The following GLI2 variants were observed in gnomAD, a reference collection of about 807,000 sequenced individuals.
GLI2 encodes GLI family zinc finger 2.
In GLI2, 22 loss-of-function variants were observed where a neutral mutation model predicts 78.9. That is an observed-to-expected ratio of 0.28 (90% CI 0.20 to 0.40). The LOEUF is 0.40. Among genes scored for constraint, GLI2 ranks in the 10% least tolerant of loss-of-function variants. The probability of loss-of-function intolerance (pLI) is 1.00; values close to 1 mark genes in which losing one functional copy is unlikely to be tolerated. For synonymous variants in GLI2, 974 were observed against 963.7 expected (o/e 1.01, Z -0.20); for missense variants, 2,097 against 2,213.2 (o/e 0.95, Z 1.05).
chr2:120,932,549 T>C (rs941878422), intron 3 of GLI2, among the ~76,000 whole-genome samples: 4 of 152,200 alleles, frequency 2.6e-5, no homozygotes, highest in African/African-American at 9.7e-5. Context: ...CTACCCGCAC[T>C]GGGACCCATT....
At chr2:120,773,218 T>A (rs1425530206) in intron 1 of GLI2, among the ~76,000 whole-genome samples, 1 of 152,136 alleles carries the variant, frequency 6.6e-6, no homozygotes, top group African/African-American at 2.4e-5. Flanking sequence ...AAGCTCTGAA[T>A]AAGTCTTTTG....
intron 2 of GLI2, among the ~76,000 whole-genome samples, chr2:120,829,398 A>G (rs1258350474): frequency 6.6e-6 from 1 of 152,252 alleles, no homozygotes; most frequent in Non-Finnish European, 1.5e-5. Flanking sequence ...AGGCAGTGTC[A>G]TGATTAAGAT....
intron 5 of GLI2, among the ~76,000 whole-genome samples, chr2:120,966,645 C>T (rs1681871649): frequency 6.6e-6 from 1 of 152,238 alleles, no homozygotes; most frequent in African/African-American, 2.4e-5. Flanking sequence ...ATCCCTAGGT[C>T]TCCTCAGGGT....
intron 1 of GLI2, among the ~76,000 whole-genome samples, chr2:120,791,268 G>A (rs777805462): frequency 3.9e-5 from 6 of 152,208 alleles, no homozygotes; most frequent in Non-Finnish European, 7.3e-5. Flanking sequence ...GTCTGGATGG[G>A]ACAGTGGGGA....
intron 2 of GLI2, among the ~76,000 whole-genome samples, chr2:120,829,093 C>T (rs1047179462): frequency 5.8e-5 from 4 of 68,914 alleles, no homozygotes; most frequent in East Asian, 4.6e-4. Flanking sequence ...GGGACAGCCA[C>T]GCACCTGCAC....
chr2:120,990,399 G>C lies in GLI2; in HGVS notation c.4434G>C (p.Gln1478His). 6.2e-7 allele frequency: 1 copy of C among 1,614,132 alleles called. No homozygotes were observed. The highest frequency in any genetic ancestry group is 1.3e-5 in the African/African-American group (1 of 75,052). Reference sequence around the variant, plus strand: ...CCTTGCCCTCACCAGGGGTCAACCAGGTGTCCAGCACTGTGGACTCCCAGC... The same window carrying C: ...CCTTGCCCTCACCAGGGGTCAACCACGTGTCCAGCACTGTGGACTCCCAGC... ...PQPLPSPGVNQVSSTVDSQLL... is the reference protein window; with the variant it reads ...PQPLPSPGVNHVSSTVDSQLL... Residue 1478 changes from glutamine to histidine, a missense_variant, in exon 14 of 14, where the codon CAG (glutamine) becomes CAC (histidine). Around this residue, in one of 5 missense-constraint regions of GLI2, gnomAD observed 1,290 missense variants for 1,261.7 expected, o/e 1.02. Transcript: ENST00000361492.
chr2:120,955,459 TG>T, intron 5 of GLI2, 29 bp downstream of exon 5: 1 of 1,417,754 alleles, frequency 7.1e-7, no homozygotes, highest in Non-Finnish European at 9.7e-7. Context: ...GGGCTGAGGA[TG>T]GGGCTAGCAG....
intron 2 of GLI2, among the ~76,000 whole-genome samples, chr2:120,926,253 T>C (rs1484186446): frequency 6.6e-6 from 1 of 152,070 alleles, no homozygotes; most frequent in Non-Finnish European, 1.5e-5. Flanking sequence ...TTTTGGTTTT[T>C]TGAGGTGAAG....
chr2:120,769,473 AC>A (rs1683462157), intron 1 of GLI2, among the ~76,000 whole-genome samples: 2 of 151,618 alleles, frequency 1.3e-5, no homozygotes, highest in Non-Finnish European at 2.9e-5. Flanking sequence ...CTGTAGAAGG[AC>A]CCCTCCAGGC....
chr2:120,983,449 G>C (rs1034783083), intron 11 of GLI2, among the ~76,000 whole-genome samples: 25 of 152,320 alleles, frequency 1.6e-4, no homozygotes, highest in African/African-American at 6.0e-4. Context: ...GTTCCACTGG[G>C]GAGCAGCTGC....
At chr2:120,815,500 G>A (rs947980414) in intron 2 of GLI2, among the ~76,000 whole-genome samples, 1 of 152,212 alleles carries the variant, frequency 6.6e-6, no homozygotes, top group East Asian at 1.9e-4. Flanking sequence ...GTGCTGCCGT[G>A]TGTGTGGCTC....
chr2:120,940,310 T>C (rs1455343577), intron 3 of GLI2, among the ~76,000 whole-genome samples: 5 of 152,216 alleles, frequency 3.3e-5, no homozygotes, highest in Non-Finnish European at 7.3e-5. Flanking sequence ...TACTATGTTT[T>C]TCCCTGCATG....
intron 2 of GLI2, among the ~76,000 whole-genome samples, chr2:120,803,356 T>G (rs1186964820): frequency 8.8e-6 from 1 of 113,396 alleles, no homozygotes; most frequent in East Asian, 3.2e-4. Context: ...CTTCGAAAAG[T>G]GTTGGGCACA....
chr2:120,916,029 A>C (rs998053613), intron 2 of GLI2, among the ~76,000 whole-genome samples: 3 of 152,206 alleles, frequency 2.0e-5, no homozygotes, highest in African/African-American at 7.2e-5. Context: ...CTATGGAGCC[A>C]CAGCAAGTGT....
At chr2:120,971,163 G>A (rs1376215394) in intron 7 of GLI2, among the ~76,000 whole-genome samples, 1 of 152,228 alleles carries the variant, frequency 6.6e-6, no homozygotes, top group Non-Finnish European at 1.5e-5. Flanking sequence ...CCTGAAAGCA[G>A]CACATCTCTT....
At chr2:120,900,044 G>C (rs1678176791) in intron 2 of GLI2, among the ~76,000 whole-genome samples, 1 of 152,166 alleles carries the variant, frequency 6.6e-6, no homozygotes, top group South Asian at 2.1e-4. Context: ...GCCGGCCGGG[G>C]GCCACACTGG....
intron 2 of GLI2, among the ~76,000 whole-genome samples, chr2:120,868,526 C>A (rs1688266314): frequency 6.6e-6 from 1 of 152,214 alleles, no homozygotes; most frequent in South Asian, 2.1e-4. Flanking sequence ...GTGATGCTGC[C>A]CCTAAGGCCT....
At position 120,979,929 on chromosome 2, in the gene GLI2, T is replaced by A. The variant is rs537974454; in HGVS notation, c.1467+1346T>A. ...GCATTTGTGTCTTGCTTCTTTCAGTTAACACGTTTGCAAGGTTCACCTGCG... is the reference window on the plus strand; with the variant it reads ...GCATTTGTGTCTTGCTTCTTTCAGTAAACACGTTTGCAAGGTTCACCTGCG... On this transcript the variant is annotated intron_variant, in intron 10 of 13. Coordinates refer to ENST00000361492, the MANE Select transcript of GLI2 (RefSeq NM_001374353.1). 5.3e-5 allele frequency among the ~76,000 whole-genome samples: 8 copies of A among 152,358 alleles called. No homozygotes were observed. In the East Asian group the frequency reaches 1.5e-3, roughly 29 times the overall value.
chr2:120,927,407 C>T lies in GLI2; in HGVS notation c.195C>T (p.Asp65=). The T allele has an allele frequency of 6.2e-7, 1 of 1,614,070 alleles. No individual in the cohort carries two copies. The highest frequency in any genetic ancestry group is 8.5e-7 in the Non-Finnish European group (1 of 1,179,914). ...CATTCCATGCGCCCCTACCGATTGA[C>T]ATGCGACACCAGGAAGGAAGGTACC... ...LPPFHAPLPI[D]MRHQEGRYHY... The change falls in exon 3 of 14, where the codon GAC becomes GAT. Residue 65 remains aspartate (D), a synonymous_variant. Transcript: ENST00000361492.
Sources: gnomAD v4.1 joint callset for allele counts (sites outside exome capture counted in the v4.1 genomes callset) on GRCh38, gnomAD v4.1.1 for gene constraint, gnomAD v4.1.1 regional missense constraint, MANE v1.5 for transcripts, NCBI Gene and HGNC (gene_info 2026-07-23, HGNC 2026-07-21) for gene names.